TMEM132B: variants seen among roughly 807,000 people sequenced by gnomAD.
TMEM132B encodes transmembrane protein 132B.
A neutral mutation model predicts 90.8 loss-of-function variants in TMEM132B; 18 were observed. That is an observed-to-expected ratio of 0.20 (90% confidence interval 0.14 to 0.29). The LOEUF (loss-of-function observed/expected upper bound fraction) is 0.29. TMEM132B is among the 10% of genes least tolerant of loss of function. The pLI is 1.00. For missense variants in TMEM132B, 1,096 were observed against 1,326.8 expected, an observed-to-expected ratio of 0.83 and a Z score of 2.70; for synonymous variants, 504 against 523.3, an observed-to-expected ratio of 0.96 and a Z score of 0.50.
intron 5 of TMEM132B, among the ~76,000 whole-genome samples, chr12:125,621,579 T>A (rs1364975795): frequency 6.6e-6 from 1 of 152,072 alleles, no homozygotes; most frequent in East Asian, 1.9e-4. Context: ...TAGCATGTGG[T>A]CATAGTAGAC....
At chr12:125,560,427 C>A (rs372837669) in intron 4 of TMEM132B, among the ~76,000 whole-genome samples, 10 of 152,312 alleles carry the variant, frequency 6.6e-5, no homozygotes, top group South Asian at 2.1e-4. Flanking sequence ...ATGCGGCCAA[C>A]AAACATATGA....
At chr12:125,569,762 C>A (rs1884745600) in intron 4 of TMEM132B, among the ~76,000 whole-genome samples, 1 of 152,100 alleles carries the variant, frequency 6.6e-6, no homozygotes, top group Non-Finnish European at 1.5e-5. Flanking sequence ...TGACCAACCC[C>A]CCCATCTCTC....
intron 3 of TMEM132B, among the ~76,000 whole-genome samples, chr12:125,420,312 T>G (rs1306128659): frequency 1.3e-5 from 2 of 152,234 alleles, no homozygotes; most frequent in Non-Finnish European, 2.9e-5. Context: ...GGCATTTCCA[T>G]ACATCCTCTA....
rs1190510086 is a variant in TMEM132B, at chr12:125,657,249, A to G, written c.*2539A>G. The G allele has an allele frequency of 6.6e-6, 1 of 152,124 alleles. No homozygotes were observed. The highest frequency in any genetic ancestry group is 1.5e-5 in the Non-Finnish European group (1 of 68,032). The allele number at this position is 152,124 out of a possible 1,614,324, so 9.4% of individuals were successfully genotyped here. A position where few individuals can be genotyped will look rare whatever the true frequency, so the allele number is the denominator to read the frequency against. On this transcript the variant is annotated 3_prime_UTR_variant, in exon 9 of 9. Transcript: ENST00000682704. ...TAAAACCCAGTCAGTTCAAAATAAC[A>G]ATCAAATGGAAGGCCATGGGGGAAG...
At chr12:125,641,408 A>G (rs1487500953) in intron 5 of TMEM132B, among the ~76,000 whole-genome samples, 1 of 152,220 alleles carries the variant, frequency 6.6e-6, no homozygotes, top group Non-Finnish European at 1.5e-5. Context: ...TGGTTTCTGT[A>G]TATCTAATAT....
intron 3 of TMEM132B, among the ~76,000 whole-genome samples, chr12:125,443,475 G>C (rs1458602503): frequency 6.6e-6 from 1 of 152,156 alleles, no homozygotes; most frequent in Non-Finnish European, 1.5e-5. Flanking sequence ...TCTCTCCTGT[G>C]ATTATGTGTT....
chr12:125,472,829 T>A (rs1288428933), intron 3 of TMEM132B, among the ~76,000 whole-genome samples: 2 of 152,198 alleles, frequency 1.3e-5, no homozygotes, highest in African/African-American at 2.4e-5. Context: ...TCCAGAACTA[T>A]GAGTGATAAG....
At chr12:125,378,909 G>C (rs1045759740) in intron 2 of TMEM132B, among the ~76,000 whole-genome samples, 9 of 152,158 alleles carry the variant, frequency 5.9e-5, no homozygotes, top group Admixed American at 3.3e-4. Context: ...CACTAGAACT[G>C]CCTGTTATTG....
At chr12:125,345,004 C>T (rs1304697665) in intron 1 of TMEM132B, among the ~76,000 whole-genome samples, 1 of 152,154 alleles carries the variant, frequency 6.6e-6, no homozygotes, top group Non-Finnish European at 1.5e-5. Context: ...TCCTGGCCTT[C>T]ACGACCATGA....
chr12:125,253,035 C>T (rs1874351219), intron 1 of TMEM132B, among the ~76,000 whole-genome samples: 1 of 152,212 alleles, frequency 6.6e-6, no homozygotes, highest in South Asian at 2.1e-4. Context: ...GAATAGCCTT[C>T]CTCCTCGAGA....
At chr12:125,559,548 C>T (rs1385397457) in intron 4 of TMEM132B, among the ~76,000 whole-genome samples, 1 of 152,160 alleles carries the variant, frequency 6.6e-6, no homozygotes, top group Non-Finnish European at 1.5e-5. Flanking sequence ...CTTGAGCCAG[C>T]CAGACGCCCT....
intron 1 of TMEM132B, among the ~76,000 whole-genome samples, chr12:125,230,111 G>A (rs913305988): frequency 6.6e-6 from 1 of 152,194 alleles, no homozygotes; most frequent in African/African-American, 2.4e-5. Context: ...ACTGGAGCCC[G>A]GGCAGGCAAA....
chr12:125,618,600 C>A (rs114561854), intron 5 of TMEM132B, among the ~76,000 whole-genome samples: 1 of 152,166 alleles, frequency 6.6e-6, no homozygotes, highest in African/African-American at 2.4e-5. Context: ...TTTCTTAAAT[C>A]GATGCCTCCT....
At chr12:125,432,092 T>C (rs1258233907) in intron 3 of TMEM132B, among the ~76,000 whole-genome samples, 4 of 151,744 alleles carry the variant, frequency 2.6e-5, no homozygotes, top group African/African-American at 4.8e-5. Flanking sequence ...GGGGTGTTGG[T>C]GGGGTGTGAC....
chr12:125,517,327 ATTTTTTTTTTTTTTTTTTTTTTT>A (rs56147854), intron 3 of TMEM132B, among the ~76,000 whole-genome samples: 5 of 28,490 alleles, frequency 1.8e-4, no homozygotes, highest in East Asian at 9.1e-4. Flanking sequence ...TGCCCTGCTG[ATTTTTTTTTTTTTTTTTTTTTTT>A]TTTTTTTTTT....
chr12:125,344,620 A>G (rs909687825), intron 1 of TMEM132B, among the ~76,000 whole-genome samples: 1 of 152,186 alleles, frequency 6.6e-6, no homozygotes, highest in Non-Finnish European at 1.5e-5. Context: ...CCTACCCGCC[A>G]GTCTTCTACC....
At chr12:125,522,639 C>G (rs1281220027) in intron 4 of TMEM132B, among the ~76,000 whole-genome samples, 1 of 152,162 alleles carries the variant, frequency 6.6e-6, no homozygotes, top group Non-Finnish European at 1.5e-5. Flanking sequence ...CACTTGCTAC[C>G]AAACTACTGA....
At chr12:125,470,068 T>C (rs1342855068) in intron 3 of TMEM132B, among the ~76,000 whole-genome samples, 1 of 152,214 alleles carries the variant, frequency 6.6e-6, no homozygotes, top group Non-Finnish European at 1.5e-5. Context: ...TGGTTATAGC[T>C]GGGGACATCC....
intron 1 of TMEM132B, among the ~76,000 whole-genome samples, chr12:125,324,571 C>T (rs1276140756): frequency 5.9e-5 from 9 of 151,436 alleles, no homozygotes; most frequent in Non-Finnish European, 1.2e-4. Flanking sequence ...AGCAGGCTAG[C>T]GAGCATTACT....
Sources: gnomAD v4.1 joint callset for allele counts (sites outside exome capture counted in the v4.1 genomes callset) on GRCh38, gnomAD v4.1.1 for gene constraint, MANE v1.5 for transcripts, NCBI Gene and HGNC (gene_info 2026-07-23, HGNC 2026-07-21) for gene names.